DLGAP4: variants seen among roughly 807,000 people sequenced by gnomAD.
DLGAP4 encodes the protein disks large-associated protein 4.
DLGAP4 carries 18 observed loss-of-function variants against 86.9 expected under a neutral mutation model. The ratio of observed to expected loss-of-function variants is 0.21; its 90% CI spans 0.14 to 0.31. The LOEUF (loss-of-function observed/expected upper bound fraction) is 0.31, where lower values mean the gene tolerates loss of function less well. Ranked by LOEUF, DLGAP4 falls within the 10% of genes least tolerant of loss-of-function variation. The probability of loss-of-function intolerance (pLI) is 1.00; values close to 1 mark genes in which losing one functional copy is unlikely to be tolerated. For missense variants in DLGAP4, 1,085 were observed against 1,362.6 expected (o/e 0.80, Z 3.21); for synonymous variants, 548 against 574.3 (o/e 0.95, Z 0.65).
At chr20:36,474,924 C>T (rs576706525) in intron 7 of DLGAP4, among the ~76,000 whole-genome samples, 2 of 152,268 alleles carry the variant, frequency 1.3e-5, no homozygotes, top group South Asian at 2.1e-4. Context: ...AAGCAGGTAA[C>T]AAATAAACAG....
chr20:36,441,850 A>G (rs1002435964), intron 5 of DLGAP4, among the ~76,000 whole-genome samples: 24 of 148,588 alleles, frequency 1.6e-4, no homozygotes, highest in African/African-American at 6.0e-4. Context: ...TCCCATCTCC[A>G]CCCCCGCCTG....
rs113875808 is a variant in DLGAP4, at chr20:36,513,549, C to T, written c.2513-10701C>T. On this transcript the variant is annotated intron_variant, in intron 10 of 12. Coordinates refer to ENST00000339266, the MANE Select transcript of DLGAP4 (RefSeq NM_001365621.2). ...CGGCCTGGGCGACAGAGCGAGACTC[C>T]GTCTCAAAAAAAAAAAAAAAAAAAA... is the stretch of plus-strand genomic sequence containing the variant. Among the ~76,000 whole-genome samples, 88 of 123,994 alleles carry T rather than the reference C, an allele frequency of 7.1e-4. 1 individual carries two copies. Among genetic ancestry groups the T allele is most frequent in the African/African-American group, 2.6e-3 (79 of 30,488 alleles). 81.3% of individuals were successfully genotyped at this position (123,994 alleles called of 152,430 possible). A position where few individuals can be genotyped will look rare whatever the true frequency, so the allele number is the denominator to read the frequency against.
intron 10 of DLGAP4, among the ~76,000 whole-genome samples, chr20:36,522,029 G>A (rs886229812): frequency 2.6e-5 from 4 of 152,058 alleles, no homozygotes; most frequent in Non-Finnish European, 4.4e-5. Context: ...GCCTGGAAGA[G>A]TTCTATCAGG....
chr20:36,513,100 C>T (rs541735013), intron 10 of DLGAP4, among the ~76,000 whole-genome samples: 2 of 151,190 alleles, frequency 1.3e-5, no homozygotes, highest in Non-Finnish European at 3.0e-5. Flanking sequence ...CACAGGCCCG[C>T]CGCACCTGGC....
intron 1 of DLGAP4, among the ~76,000 whole-genome samples, chr20:36,366,652 G>A (rs895995410): frequency 6.6e-6 from 1 of 152,188 alleles, no homozygotes; most frequent in Non-Finnish European, 1.5e-5. Flanking sequence ...GCATGTGAGA[G>A]GCTGAGCTGG....
chr20:36,408,423 A>G (rs572232741), intron 2 of DLGAP4, among the ~76,000 whole-genome samples: 3 of 152,226 alleles, frequency 2.0e-5, no homozygotes, highest in Admixed American at 6.5e-5. Flanking sequence ...CCCATCCGTC[A>G]TTGGTTGAGG....
chr20:36,499,338 A>G, intron 8 of DLGAP4: 1 of 1,611,614 alleles, frequency 6.2e-7, no homozygotes, highest in Non-Finnish European at 8.5e-7. Context: ...AAAGCCAGTC[A>G]TCTCCACCCC....
chr20:36,495,203 G>A (rs1373688655), intron 7 of DLGAP4, among the ~76,000 whole-genome samples: 2 of 152,106 alleles, frequency 1.3e-5, no homozygotes, highest in Non-Finnish European at 2.9e-5. Context: ...TTCCATGACA[G>A]TAGTATCACT....
intron 1 of DLGAP4, among the ~76,000 whole-genome samples, chr20:36,335,146 T>G (rs2065309052): frequency 6.6e-6 from 1 of 152,124 alleles, no homozygotes; most frequent in Non-Finnish European, 1.5e-5. Flanking sequence ...TGGAGGCTTT[T>G]GAGATGGGGG....
chr20:36,488,069 G>A (rs1181541287), intron 7 of DLGAP4, among the ~76,000 whole-genome samples: 3 of 151,796 alleles, frequency 2.0e-5, no homozygotes, highest in South Asian at 2.1e-4. Flanking sequence ...GCATGGTGGC[G>A]CGCGCCTATA....
chr20:36,311,862 G>C (rs2065056503), intron 1 of DLGAP4, among the ~76,000 whole-genome samples: 1 of 152,218 alleles, frequency 6.6e-6, no homozygotes. Context: ...TTTAGAGGCT[G>C]GTCTTAGCCC....
chr20:36,317,271 CTTTCTTA>C (rs2065114097), intron 1 of DLGAP4, among the ~76,000 whole-genome samples: 2 of 18,000 alleles, frequency 1.1e-4, no homozygotes, highest in Admixed American at 8.5e-4. Flanking sequence ...TTCTTTCTTT[CTTTCTTA>C]TCTTTCTTTC....
At chr20:36,343,568 G>A (rs2065406139) in intron 1 of DLGAP4, among the ~76,000 whole-genome samples, 1 of 152,030 alleles carries the variant, frequency 6.6e-6, no homozygotes, top group African/African-American at 2.4e-5. Context: ...CACCGGAGGT[G>A]AAAGCTGCAC....
chr20:36,309,414 C>T (rs1276042732), intron 1 of DLGAP4, among the ~76,000 whole-genome samples: 3 of 152,176 alleles, frequency 2.0e-5, no homozygotes, highest in African/African-American at 4.8e-5. Context: ...ACGACCTGGT[C>T]CATTCTGAGT....
intron 7 of DLGAP4, among the ~76,000 whole-genome samples, chr20:36,475,081 G>A (rs1208019704): frequency 2.0e-5 from 3 of 152,108 alleles, no homozygotes; most frequent in Non-Finnish European, 1.5e-5. Flanking sequence ...CCTGAGGTGG[G>A]GGTATCTTGA....
chr20:36,467,311 C>T (rs961009460), intron 7 of DLGAP4, among the ~76,000 whole-genome samples: 2 of 152,148 alleles, frequency 1.3e-5, no homozygotes, highest in African/African-American at 4.8e-5. Context: ...GCTGGATTTG[C>T]AGAGGCAGAG....
intron 7 of DLGAP4, chr20:36,461,710 T>G: frequency 1.5e-6 from 1 of 673,696 alleles, no homozygotes; most frequent in Non-Finnish European, 1.7e-6. Flanking sequence ...GCCCTCCTCC[T>G]CCTCCTCCTC....
chr20:36,340,392 C>T (rs2065366654), intron 1 of DLGAP4, among the ~76,000 whole-genome samples: 2 of 152,142 alleles, frequency 1.3e-5, no homozygotes, highest in Non-Finnish European at 2.9e-5. Context: ...CACGTGGCTG[C>T]TTCTCGGGAG....
chr20:36,460,182 A>G (rs1289034398), intron 7 of DLGAP4, among the ~76,000 whole-genome samples: 1 of 152,084 alleles, frequency 6.6e-6, no homozygotes, highest in Non-Finnish European at 1.5e-5. Context: ...TTTTTTTCCT[A>G]AGTAAATCAA....
Sources: gnomAD v4.1 joint callset for allele counts (sites outside exome capture counted in the v4.1 genomes callset) on GRCh38, gnomAD v4.1.1 for gene constraint, MANE v1.5 for transcripts, NCBI Gene and HGNC (gene_info 2026-07-23, HGNC 2026-07-21) for gene names.